FHIT: variants seen among roughly 807,000 people sequenced by gnomAD.
The protein encoded by FHIT is bis(5'-adenosyl)-triphosphatase.
FHIT carries 19 observed loss-of-function variants against 17.9 expected under a neutral mutation model. The ratio of observed to expected loss-of-function variants is 1.06; its 90% CI spans 0.74 to 1.56. The LOEUF is 1.56. Among genes scored for constraint, FHIT ranks in the 40% most tolerant of loss-of-function variants. The pLI is 0.00. For synonymous variants in FHIT, 81 were observed against 69.7 expected, an observed-to-expected ratio of 1.16 and a Z score of -0.81; for missense variants, 248 against 189.2, an observed-to-expected ratio of 1.31 and a Z score of -1.82.
intron 5 of FHIT, among the ~76,000 whole-genome samples, chr3:60,527,740 C>T (rs540658737): frequency 1.3e-5 from 2 of 152,156 alleles, no homozygotes; most frequent in African/African-American, 4.8e-5. Context: ...AAATACAACA[C>T]TAGAAAGTGG....
chr3:60,550,558 C>T (rs1328105048), intron 4 of FHIT, among the ~76,000 whole-genome samples: 1 of 151,924 alleles, frequency 6.6e-6, no homozygotes, highest in African/African-American at 2.4e-5. Flanking sequence ...TTTCAAAATG[C>T]CAACTGCCTT....
intron 3 of FHIT, among the ~76,000 whole-genome samples, chr3:60,998,124 C>A (rs771216135): frequency 6.6e-5 from 10 of 152,120 alleles, no homozygotes; most frequent in Non-Finnish European, 1.2e-4. Flanking sequence ...AGTCAACTTT[C>A]AAGATAGTTC....
intron 5 of FHIT, among the ~76,000 whole-genome samples, chr3:60,362,010 C>T (rs1490354852): frequency 6.6e-6 from 1 of 152,270 alleles, no homozygotes; most frequent in South Asian, 2.1e-4. Flanking sequence ...CTCAACCAAA[C>T]TGTGCACACA....
At chr3:60,709,266 T>C (rs140412663) in intron 4 of FHIT, among the ~76,000 whole-genome samples, 9 of 152,350 alleles carry the variant, frequency 5.9e-5, no homozygotes, top group Non-Finnish European at 1.0e-4. Context: ...AGTGGCATTG[T>C]CTCAACATCA....
intron 7 of FHIT, among the ~76,000 whole-genome samples, chr3:59,968,191 G>A (rs1708016445): frequency 6.6e-6 from 1 of 152,022 alleles, no homozygotes; most frequent in Admixed American, 6.6e-5. Flanking sequence ...TCTTTAGGCT[G>A]TACCCACCAT....
chr3:60,338,232 C>T (rs536242629), intron 5 of FHIT, among the ~76,000 whole-genome samples: 5 of 152,266 alleles, frequency 3.3e-5, no homozygotes, highest in Admixed American at 2.0e-4. Context: ...TCCCATTAAT[C>T]GCTACTAGCC....
At chr3:60,177,259 C>G (rs1316477735) in intron 5 of FHIT, among the ~76,000 whole-genome samples, 1 of 147,736 alleles carries the variant, frequency 6.8e-6, no homozygotes, top group Non-Finnish European at 1.5e-5. Context: ...ATACAATAAG[C>G]CAAGGTTAAA....
intron 5 of FHIT, among the ~76,000 whole-genome samples, chr3:60,172,728 T>C (rs544064121): frequency 5.3e-5 from 8 of 152,300 alleles, no homozygotes; most frequent in South Asian, 2.1e-4. Context: ...GGTGGCTGGA[T>C]ACTGAGACAA....
At chr3:59,952,629 C>A (rs916364452) in intron 7 of FHIT, among the ~76,000 whole-genome samples, 9 of 152,166 alleles carry the variant, frequency 5.9e-5, no homozygotes, top group Non-Finnish European at 1.2e-4. Flanking sequence ...GGGTATTAAG[C>A]TCTGAAGTTA....
At chr3:60,442,104 C>A (rs1160897254) in intron 5 of FHIT, among the ~76,000 whole-genome samples, 1 of 151,822 alleles carries the variant, frequency 6.6e-6, no homozygotes, top group Non-Finnish European at 1.5e-5. Context: ...AAGCGATCCT[C>A]CTGCCTCAGC....
At chr3:60,959,724 T>A (rs1658065376) in intron 3 of FHIT, among the ~76,000 whole-genome samples, 1 of 151,536 alleles carries the variant, frequency 6.6e-6, no homozygotes, top group African/African-American at 2.4e-5. Context: ...GAAAGAGATT[T>A]TGAGGAGGAA....
chr3:60,601,198 G>C lies in FHIT; in HGVS notation c.-17-64219C>G, dbSNP rs906488809. ...CGGAAGATACAGCAGGGATCAGGTC[G>C]CCCAGTGTGGGCTGCACCCTGCTTC... On this transcript the variant is annotated intron_variant, in intron 4 of 9. Coordinates refer to ENST00000492590, the MANE Select transcript of FHIT (RefSeq NM_002012.4). Among the ~76,000 whole-genome samples, 71 of 152,312 alleles carry C rather than the reference G, an allele frequency of 4.7e-4. 1 individual carries two copies. Among genetic ancestry groups the C allele is most frequent in the African/African-American group, 1.6e-3 (68 of 41,568 alleles).
At chr3:60,001,414 G>A (rs955131390) in intron 7 of FHIT, among the ~76,000 whole-genome samples, 41 of 152,246 alleles carry the variant, frequency 2.7e-4, no homozygotes, top group African/African-American at 9.4e-4. Flanking sequence ...AGCCTGTGAC[G>A]ATATCTGGCA....
At chr3:60,151,572 C>T (rs114418607) in intron 5 of FHIT, among the ~76,000 whole-genome samples, 1,867 of 152,246 alleles carry the variant, frequency 0.012, 36 homozygotes, top group African/African-American at 0.042. Flanking sequence ...AAGGTCTTCT[C>T]GATTTGATTT....
At chr3:61,055,448 A>G (rs989685977) in intron 2 of FHIT, among the ~76,000 whole-genome samples, 28 of 152,222 alleles carry the variant, frequency 1.8e-4, no homozygotes, top group Admixed American at 1.8e-3. Flanking sequence ...GGTTAGTCAT[A>G]GAGAATTCAG....
chr3:60,592,687 T>G, intron 4 of FHIT, among the ~76,000 whole-genome samples: 1 of 152,156 alleles, frequency 6.6e-6, no homozygotes, highest in East Asian at 1.9e-4. Flanking sequence ...TGTCAGAATT[T>G]GATTATACAA....
intron 4 of FHIT, chr3:60,690,773 T>G: frequency 2.8e-6 from 1 of 354,164 alleles, no homozygotes; most frequent in Non-Finnish European, 5.5e-6. Flanking sequence ...TCTCTGTTAC[T>G]GAATTCTTAA....
At chr3:59,752,384 T>C (rs911138187) in intron 8 of FHIT, 63 bp from the exon 9 acceptor site, 1 of 1,339,398 alleles carries the variant, frequency 7.5e-7, no homozygotes, top group Non-Finnish European at 1.0e-6. Context: ...TGAACAAATT[T>C]CGGGGGGCTG....
intron 8 of FHIT, among the ~76,000 whole-genome samples, chr3:59,758,930 G>C (rs1281331148): frequency 6.6e-6 from 1 of 151,920 alleles, no homozygotes; most frequent in Non-Finnish European, 1.5e-5. Flanking sequence ...CTGAGTTCTA[G>C]AAAGCTACAT....
Sources: gnomAD v4.1 joint callset for allele counts (sites outside exome capture counted in the v4.1 genomes callset) on GRCh38, gnomAD v4.1.1 for gene constraint, MANE v1.5 for transcripts, NCBI Gene and HGNC (gene_info 2026-07-23, HGNC 2026-07-21) for gene names.